PTPRT: variants seen among roughly 807,000 people sequenced by gnomAD.
PTPRT encodes the protein protein tyrosine phosphatase receptor type T, also known as receptor-type tyrosine-protein phosphatase T.
A neutral mutation model predicts 176.8 loss-of-function variants in PTPRT; 56 were observed. The ratio of observed to expected loss-of-function variants is 0.32; its 90% CI spans 0.26 to 0.40. The LOEUF (loss-of-function observed/expected upper bound fraction) is 0.40. Ranked by LOEUF, PTPRT falls within the 10% of genes least tolerant of loss-of-function variation. The probability of loss-of-function intolerance (pLI) is 1.00; values close to 1 mark genes in which losing one functional copy is unlikely to be tolerated. For missense variants in PTPRT, 1,540 were observed against 1,908.2 expected, an observed-to-expected ratio of 0.81 and a Z score of 3.60; for synonymous variants, 783 against 739.0, an observed-to-expected ratio of 1.06 and a Z score of -0.96.
chr20:42,128,084 C>T (rs1987945345), intron 19 of PTPRT, among the ~76,000 whole-genome samples: 1 of 152,178 alleles, frequency 6.6e-6, no homozygotes, highest in East Asian at 1.9e-4. Context: ...TCTCTGCTCC[C>T]CTCAAATGGA....
chr20:42,930,958 C>A (rs761026), intron 1 of PTPRT, among the ~76,000 whole-genome samples: 103,468 of 151,828 alleles, frequency 0.68, 35,536 homozygotes, highest in East Asian at 0.85. Context: ...ACAACAACAA[C>A]AAAAAACTCC....
At chr20:42,191,693 C>T (rs528775463) in intron 16 of PTPRT, among the ~76,000 whole-genome samples, 20 of 152,318 alleles carry the variant, frequency 1.3e-4, no homozygotes, top group African/African-American at 4.1e-4. Flanking sequence ...TTCCATTACC[C>T]TGTGTGACAC....
At chr20:42,167,013 T>A (rs180912352) in intron 16 of PTPRT, among the ~76,000 whole-genome samples, 9 of 152,234 alleles carry the variant, frequency 5.9e-5, no homozygotes, top group East Asian at 1.9e-4. Context: ...CAGAATCAGA[T>A]AGAATGGGGT....
At chr20:43,154,367 C>T (rs1378008714) in intron 1 of PTPRT, among the ~76,000 whole-genome samples, 1 of 152,158 alleles carries the variant, frequency 6.6e-6, no homozygotes, top group Non-Finnish European at 1.5e-5. Context: ...CTATTCTCTT[C>T]CATTGGTTTA....
intron 2 of PTPRT, among the ~76,000 whole-genome samples, chr20:42,802,018 T>A (rs1038068692): frequency 6.6e-6 from 1 of 152,196 alleles, no homozygotes; most frequent in African/African-American, 2.4e-5. Flanking sequence ...AATTGAGGTG[T>A]ATCTGACTCC....
At chr20:43,087,273 G>C (rs751310554) in intron 1 of PTPRT, among the ~76,000 whole-genome samples, 2 of 149,328 alleles carry the variant, frequency 1.3e-5, no homozygotes, top group Non-Finnish European at 3.0e-5. Context: ...CATTGATTTT[G>C]TTTGTTAACC....
chr20:42,947,754 C>T (rs1456580386), intron 1 of PTPRT, among the ~76,000 whole-genome samples: 2 of 152,142 alleles, frequency 1.3e-5, no homozygotes, highest in East Asian at 1.9e-4. Context: ...CTTTCACTCA[C>T]TCTCCAATCC....
chr20:42,446,228 C>A lies in PTPRT; in HGVS notation c.1560+1992G>T, dbSNP rs2070730523. On this transcript the variant is annotated intron_variant, in intron 9 of 30. Transcript: ENST00000373187. ...GGCTTTTCCATGACAAAGTTGCCATCAATCCAGTGCAAAATTAGAAAAAAT... is the reference window on the plus strand; with the variant it reads ...GGCTTTTCCATGACAAAGTTGCCATAAATCCAGTGCAAAATTAGAAAAAAT... Among the ~76,000 whole-genome samples, 4 of 152,066 alleles carry A rather than the reference C, an allele frequency of 2.6e-5. No individual in the cohort carries two copies. The South Asian group carries it at 8.3e-4, about 32-fold the overall frequency.
intron 7 of PTPRT, among the ~76,000 whole-genome samples, chr20:42,550,687 T>C (rs1388589939): frequency 2.0e-5 from 3 of 152,016 alleles, no homozygotes; most frequent in Non-Finnish European, 2.9e-5. Flanking sequence ...CCTTTATAGG[T>C]AGATCTAAGT....
At chr20:42,705,669 C>T (rs1283753691) in intron 6 of PTPRT, among the ~76,000 whole-genome samples, 1 of 152,144 alleles carries the variant, frequency 6.6e-6, no homozygotes, top group African/African-American at 2.4e-5. Context: ...CTGCACAATG[C>T]TCTCAGACTT....
intron 15 of PTPRT, among the ~76,000 whole-genome samples, chr20:42,217,898 G>T (rs73268849): frequency 6.6e-6 from 1 of 152,174 alleles, no homozygotes; most frequent in Admixed American, 6.5e-5. Context: ...ACATAGCTCC[G>T]ATTTTCACAA....
At chr20:42,246,333 T>C (rs1172936878) in intron 14 of PTPRT, among the ~76,000 whole-genome samples, 1 of 152,122 alleles carries the variant, frequency 6.6e-6, no homozygotes, top group African/African-American at 2.4e-5. Flanking sequence ...CTCCCATCTG[T>C]AAACTGTTCC....
In PTPRT at chr20:42,875,802, C is replaced by T. The variant is rs559293754; in HGVS notation, c.214+10005G>A. 5.9e-5 allele frequency among the ~76,000 whole-genome samples: 9 copies of T among 152,332 alleles called. No individual in the cohort carries two copies. In the East Asian group the frequency reaches 1.7e-3, roughly 29 times the overall value. ...ACAGCCTGGACCCTTTCCAAGGGCA[C>T]GTCCTGCCTCCACCATATGCTAACG... On this transcript the variant is annotated intron_variant, in intron 2 of 30. Coordinates refer to ENST00000373187, the MANE Select transcript of PTPRT (RefSeq NM_007050.6).
intron 15 of PTPRT, among the ~76,000 whole-genome samples, chr20:42,221,449 C>T (rs148679203): frequency 1.0e-3 from 155 of 152,008 alleles, no homozygotes; most frequent in Admixed American, 1.7e-3. Flanking sequence ...AGGAAACTTA[C>T]AATCATGACA....
At chr20:42,901,049 G>A (rs1044732060) in intron 1 of PTPRT, among the ~76,000 whole-genome samples, 9 of 152,160 alleles carry the variant, frequency 5.9e-5, no homozygotes, top group South Asian at 2.1e-4. Flanking sequence ...ATGCTAAGCC[G>A]TCACAGCTGT....
At chr20:43,005,561 G>A (rs911232148) in intron 1 of PTPRT, among the ~76,000 whole-genome samples, 5 of 152,090 alleles carry the variant, frequency 3.3e-5, no homozygotes, top group Admixed American at 6.5e-5. Context: ...GGGAAACAGA[G>A]GAGAGAATTG....
intron 1 of PTPRT, among the ~76,000 whole-genome samples, chr20:43,129,381 G>A (rs969353102): frequency 5.9e-5 from 9 of 152,160 alleles, no homozygotes; most frequent in African/African-American, 1.9e-4. Context: ...AGCTACCAGG[G>A]GCTGCATCCG....
At chr20:42,799,571 A>G (rs2077500561) in intron 2 of PTPRT, among the ~76,000 whole-genome samples, 1 of 152,218 alleles carries the variant, frequency 6.6e-6, no homozygotes, top group South Asian at 2.1e-4. Flanking sequence ...AATGGAACCC[A>G]AAACACAACA....
chr20:43,115,227 G>A (rs144909551), intron 1 of PTPRT, among the ~76,000 whole-genome samples: 1 of 152,118 alleles, frequency 6.6e-6, no homozygotes, highest in Non-Finnish European at 1.5e-5. Flanking sequence ...GCCCTAGAAG[G>A]CCCCACAGGA....
Sources: allele counts gnomAD v4.1 joint callset (sites outside exome capture counted in the v4.1 genomes callset), GRCh38; gene constraint gnomAD v4.1.1; transcripts MANE v1.5; gene names NCBI Gene and HGNC (gene_info 2026-07-23, HGNC 2026-07-21).